Variants in KCNMA1 observed in about 807,000 individuals in gnomAD.
The protein encoded by KCNMA1 is potassium calcium-activated channel subfamily M alpha 1, also known as Calcium-activated potassium channel subunit alpha-1.
In KCNMA1, 29 loss-of-function variants were observed where a neutral mutation model predicts 140.0. The ratio of observed to expected loss-of-function variants is 0.21; its 90% CI spans 0.15 to 0.28. The LOEUF (loss-of-function observed/expected upper bound fraction) is 0.28, where lower values mean the gene tolerates loss of function less well. Ranked by LOEUF, KCNMA1 falls within the 10% of genes least tolerant of loss-of-function variation. KCNMA1 has a pLI of 1.00. For missense variants in KCNMA1, 880 were observed against 1,602.2 expected (o/e 0.55, Z 7.70); for synonymous variants, 612 against 611.9 (o/e 1.00, Z 0.00).
At chr10:76,923,886 T>C (rs2056830627) in intron 23 of KCNMA1, among the ~76,000 whole-genome samples, 1 of 152,084 alleles carries the variant, frequency 6.6e-6, no homozygotes, top group African/African-American at 2.4e-5. Context: ...GTGCCTGTAT[T>C]CCCAGCTACT....
intron 19 of KCNMA1, chr10:76,980,630 C>T (rs2079143279): frequency 6.6e-6 from 1 of 152,130 alleles, no homozygotes; most frequent in Non-Finnish European, 1.5e-5. Flanking sequence ...TTGTAGAGGA[C>T]TGAGTCTTCA....
intron 14 of KCNMA1, among the ~76,000 whole-genome samples, chr10:77,072,271 A>T (rs2096242558): frequency 6.6e-6 from 1 of 152,190 alleles, no homozygotes; most frequent in Non-Finnish European, 1.5e-5. Context: ...CGGGTTTGTC[A>T]CCTTGACTGC....
At chr10:77,275,501 C>T (rs188258308) in intron 2 of KCNMA1, among the ~76,000 whole-genome samples, 123 of 152,296 alleles carry the variant, frequency 8.1e-4, no homozygotes, top group Admixed American at 2.8e-3. Context: ...ACTTGTCCAA[C>T]GCCCTATTGT....
intron 2 of KCNMA1, among the ~76,000 whole-genome samples, chr10:77,384,671 G>A (rs2154433538): frequency 6.6e-6 from 1 of 152,322 alleles, no homozygotes; most frequent in Middle Eastern, 3.4e-3. Flanking sequence ...CAAAGGGGAG[G>A]CAATGAAACT....
chr10:77,538,784 G>A (rs1167351302), intron 1 of KCNMA1, among the ~76,000 whole-genome samples: 1 of 152,060 alleles, frequency 6.6e-6, no homozygotes, highest in African/African-American at 2.4e-5. Context: ...GGGCCTCTAT[G>A]AACCTGTTCT....
chr10:77,018,127 C>T (rs2092391375), intron 17 of KCNMA1, among the ~76,000 whole-genome samples: 3 of 152,132 alleles, frequency 2.0e-5, no homozygotes, highest in Admixed American at 2.0e-4. Context: ...AGAAGACTTA[C>T]CTTCCAGGGT....
At chr10:77,319,873 T>C (rs958148859) in intron 2 of KCNMA1, among the ~76,000 whole-genome samples, 1 of 152,216 alleles carries the variant, frequency 6.6e-6, no homozygotes, top group African/African-American at 2.4e-5. Flanking sequence ...ATGACTGATA[T>C]ATACTGTATT....
intron 2 of KCNMA1, among the ~76,000 whole-genome samples, chr10:77,378,979 TGTTCA>T (rs750089324): frequency 1.3e-5 from 2 of 152,228 alleles, no homozygotes; most frequent in East Asian, 1.9e-4. Context: ...TCATTTTCAC[TGTTCA>T]GTTACAAGCA....
At chr10:77,260,559 A>C (rs2616611) in intron 2 of KCNMA1, among the ~76,000 whole-genome samples, 57,793 of 152,008 alleles carry the variant, frequency 0.38, 11,342 homozygotes, top group Admixed American at 0.44. Flanking sequence ...AAGTACAAAA[A>C]TTAGTTGGGC....
downstream of KCNMA1, chr10:76,877,502 A>G (rs987928069): frequency 4.5e-6 from 1 of 222,388 alleles, no homozygotes; most frequent in African/African-American, 2.3e-5. Flanking sequence ...TTAAAATGCT[A>G]GAGGCTATAC....
At chr10:77,620,708 T>C (rs1029724445) in intron 1 of KCNMA1, among the ~76,000 whole-genome samples, 2 of 152,180 alleles carry the variant, frequency 1.3e-5, no homozygotes, top group Non-Finnish European at 2.9e-5. Flanking sequence ...GCCAGTTCTG[T>C]TTTCTCCCCA....
intron 2 of KCNMA1, 64 bp downstream of exon 2, chr10:77,403,798 T>A: frequency 6.5e-7 from 1 of 1,530,502 alleles, no homozygotes. Flanking sequence ...TCACGTCTCA[T>A]AAGCAAAGCC....
chr10:77,506,739 T>C (rs2154546973), intron 1 of KCNMA1, among the ~76,000 whole-genome samples: 1 of 138,956 alleles, frequency 7.2e-6, no homozygotes, highest in Admixed American at 7.3e-5. Context: ...TGTGTGTGTG[T>C]GTTTGTTAGA....
chr10:77,375,976 C>T (rs2095074026), intron 2 of KCNMA1, among the ~76,000 whole-genome samples: 1 of 152,216 alleles, frequency 6.6e-6, no homozygotes. Context: ...GCACACTCAA[C>T]TTCGTGTCAG....
intron 23 of KCNMA1, among the ~76,000 whole-genome samples, chr10:76,937,259 C>T (rs2060809475): frequency 6.6e-6 from 1 of 152,174 alleles, no homozygotes; most frequent in African/African-American, 2.4e-5. Context: ...GATTAAATGG[C>T]CCTTTAAGCC....
chr10:76,984,807 A>T (rs2080753335), intron 19 of KCNMA1, among the ~76,000 whole-genome samples: 1 of 152,212 alleles, frequency 6.6e-6, no homozygotes, highest in African/African-American at 2.4e-5. Flanking sequence ...GGCAAGTTGG[A>T]TTTCAAATAA....
At position 77,172,673 on chromosome 10, in the gene KCNMA1, T is replaced by C. The variant is rs1204361960; in HGVS notation, c.808+10748A>G. Among the ~76,000 whole-genome samples, 5 of 140,194 alleles carry C rather than the reference T, an allele frequency of 3.6e-5. No homozygotes were observed. The East Asian group carries it at 1.0e-3, about 29-fold the overall frequency. The allele number at this position is 140,194 out of a possible 152,430, so 92.0% of individuals were successfully genotyped here. A position where few individuals can be genotyped will look rare whatever the true frequency, so the allele number is the denominator to read the frequency against. On this transcript the variant is annotated intron_variant, in intron 5 of 27. Transcript: ENST00000286628. ...TGCAATGCTATTCATAAGGTGTATG[T>C]TGCCATTGAATTCTTTCTCAAAAAA...
intron 3 of KCNMA1, among the ~76,000 whole-genome samples, chr10:77,192,124 C>T (rs2098943640): frequency 1.3e-5 from 2 of 152,112 alleles, no homozygotes; most frequent in South Asian, 4.1e-4. Flanking sequence ...AGTTGTAAGG[C>T]TCAGGATGTC....
intron 1 of KCNMA1, among the ~76,000 whole-genome samples, chr10:77,495,465 G>A (rs1324519585): frequency 6.6e-6 from 1 of 152,216 alleles, no homozygotes; most frequent in Non-Finnish European, 1.5e-5. Flanking sequence ...CACCCAGAGG[G>A]CTGACTGTGG....
Sources: gnomAD v4.1 joint callset for allele counts (sites outside exome capture counted in the v4.1 genomes callset) on GRCh38, gnomAD v4.1.1 for gene constraint, MANE v1.5 for transcripts, NCBI Gene and HGNC (gene_info 2026-07-23, HGNC 2026-07-21) for gene names.